SPAG16: variants seen among roughly 807,000 people sequenced by gnomAD.
The protein encoded by SPAG16 is sperm-associated antigen 16 protein.
SPAG16 carries 86 observed loss-of-function variants against 80.4 expected under a neutral mutation model. That is an observed-to-expected ratio of 1.07 (90% CI 0.90 to 1.28). The LOEUF is 1.28. SPAG16 is among the 50% of genes most tolerant of loss of function. The pLI is 0.00. For synonymous variants in SPAG16, 294 were observed against 265.9 expected, an observed-to-expected ratio of 1.11 and a Z score of -1.03; for missense variants, 870 against 765.3, an observed-to-expected ratio of 1.14 and a Z score of -1.61.
At chr2:213,298,188 A>AT (rs888166171) in intron 3 of SPAG16, among the ~76,000 whole-genome samples, 7 of 152,100 alleles carry the variant, frequency 4.6e-5, no homozygotes, top group African/African-American at 1.7e-4. Flanking sequence ...CTAGAGGAAG[A>AT]TTTTTTCAGG....
rs2066172296 is a variant in SPAG16 at position 213,364,519 on chromosome 2, CCAT to C, written c.832+377_832+379del. 5.8e-5 allele frequency: 9 copies of C among 155,472 alleles called. No homozygotes were observed. In the Middle Eastern group the frequency reaches 1.6e-3, roughly 28 times the overall value. The allele number at this position is 155,472 out of a possible 1,614,324, so 9.6% of individuals were successfully genotyped here. On this transcript the variant is annotated intron_variant, in intron 8 of 15. Coordinates refer to ENST00000331683, the MANE Select transcript of SPAG16 (RefSeq NM_024532.5). ...AGGAAAATTTATAAGGTGAGCTCTG[CCAT>C]CACCATGGCTTTGGGTCTGTGGAAA...
intron 14 of SPAG16, among the ~76,000 whole-genome samples, chr2:214,113,924 A>T (rs6758438): frequency 4.6e-5 from 7 of 151,968 alleles, no homozygotes; most frequent in African/African-American, 1.2e-4. Context: ...TAGAATTTTC[A>T]GCTTTTCTGC....
chr2:213,791,784 A>G (rs1437727091), intron 10 of SPAG16, among the ~76,000 whole-genome samples: 4 of 152,182 alleles, frequency 2.6e-5, no homozygotes, highest in South Asian at 4.1e-4. Context: ...AAGGATTAGG[A>G]GTGAGTATAA....
chr2:213,738,044 T>C (rs1218317597), intron 10 of SPAG16, among the ~76,000 whole-genome samples: 7 of 152,238 alleles, frequency 4.6e-5, no homozygotes, highest in African/African-American at 1.4e-4. Context: ...AAACACTTTA[T>C]AGTTTTCTAA....
intron 11 of SPAG16, among the ~76,000 whole-genome samples, chr2:213,887,999 A>G (rs569228351): frequency 1.3e-5 from 2 of 151,838 alleles, no homozygotes; most frequent in Non-Finnish European, 3.0e-5. Flanking sequence ...ACAAAAATTC[A>G]ATGTTTTTGA....
At chr2:214,063,031 A>G (rs1194695166) in intron 13 of SPAG16, among the ~76,000 whole-genome samples, 1 of 152,224 alleles carries the variant, frequency 6.6e-6, no homozygotes, top group East Asian at 1.9e-4. Flanking sequence ...CATCATTTCA[A>G]CAACATGAAA....
intron 4 of SPAG16, among the ~76,000 whole-genome samples, chr2:213,311,082 A>C (rs2126118125): frequency 6.6e-6 from 1 of 151,820 alleles, no homozygotes; most frequent in South Asian, 2.1e-4. Flanking sequence ...CAGTTTCATT[A>C]TTTTAAATTG....
At chr2:214,065,333 A>G (rs1048803529) in intron 13 of SPAG16, among the ~76,000 whole-genome samples, 1 of 152,180 alleles carries the variant, frequency 6.6e-6, no homozygotes, top group Non-Finnish European at 1.5e-5. Flanking sequence ...TAAATCCATT[A>G]TATGAAACTG....
At chr2:213,296,365 T>C (rs1440812660) in intron 2 of SPAG16, among the ~76,000 whole-genome samples, 1 of 152,226 alleles carries the variant, frequency 6.6e-6, no homozygotes, top group African/African-American at 2.4e-5. Context: ...CCTTATTACC[T>C]GCCTTGTAGA....
intron 10 of SPAG16, among the ~76,000 whole-genome samples, chr2:213,623,983 T>G (rs1287677868): frequency 6.6e-6 from 1 of 152,138 alleles, no homozygotes; most frequent in Non-Finnish European, 1.5e-5. Flanking sequence ...TAAACACAAT[T>G]TATTAGATTA....
chr2:214,314,779 T>TTGAACA (rs1695564582), intron 15 of SPAG16, among the ~76,000 whole-genome samples: 2 of 139,850 alleles, frequency 1.4e-5, no homozygotes, highest in African/African-American at 5.3e-5. Flanking sequence ...GAAGACATTC[T>TTGAACA]TGAACATCCA....
At chr2:213,934,992 G>C (rs1173464380) in intron 12 of SPAG16, among the ~76,000 whole-genome samples, 2 of 151,710 alleles carry the variant, frequency 1.3e-5, no homozygotes, top group Non-Finnish European at 2.9e-5. Context: ...CACGAGGTCA[G>C]GAGATCGAGA....
At chr2:213,384,672 C>T (rs1679277194) in intron 9 of SPAG16, among the ~76,000 whole-genome samples, 1 of 152,142 alleles carries the variant, frequency 6.6e-6, no homozygotes, top group African/African-American at 2.4e-5. Context: ...GACTGAACTT[C>T]TTTCGTCAGG....
At chr2:214,305,459 C>T (rs921921466) in intron 15 of SPAG16, among the ~76,000 whole-genome samples, 1 of 152,128 alleles carries the variant, frequency 6.6e-6, no homozygotes, top group African/African-American at 2.4e-5. Flanking sequence ...TGCCTATGTC[C>T]TTAATGGTAT....
intron 12 of SPAG16, among the ~76,000 whole-genome samples, chr2:213,947,353 T>G (rs1274701962): frequency 1.3e-5 from 2 of 152,282 alleles, no homozygotes; most frequent in Non-Finnish European, 1.5e-5. Flanking sequence ...TTATCAGCAT[T>G]TATTACTATC....
intron 10 of SPAG16, among the ~76,000 whole-genome samples, chr2:213,693,013 C>A (rs143546713): frequency 3.2e-4 from 48 of 152,250 alleles, no homozygotes; most frequent in Middle Eastern, 6.8e-3. Flanking sequence ...TAACTGGAAT[C>A]TTTATTACAA....
chr2:213,929,496 CT>C (rs2078652300), intron 11 of SPAG16, among the ~76,000 whole-genome samples: 2 of 152,164 alleles, frequency 1.3e-5, no homozygotes, highest in Non-Finnish European at 2.9e-5. Flanking sequence ...TCACTTCTTC[CT>C]TCATCCAAAC....
chr2:214,381,316 T>TTTTC (rs1323441317), intron 15 of SPAG16, among the ~76,000 whole-genome samples: 1 of 152,222 alleles, frequency 6.6e-6, no homozygotes, highest in Non-Finnish European at 1.5e-5. Context: ...CAAGAGGTGC[T>TTTTC]TTTCTTTCAT....
chr2:213,872,722 G>A (rs932960529), intron 11 of SPAG16, among the ~76,000 whole-genome samples: 4 of 152,048 alleles, frequency 2.6e-5, no homozygotes, highest in Non-Finnish European at 5.9e-5. Flanking sequence ...TTAGTTGTGG[G>A]ATTTTTGTAG....
Sources: allele counts gnomAD v4.1 joint callset (sites outside exome capture counted in the v4.1 genomes callset), GRCh38; gene constraint gnomAD v4.1.1; transcripts MANE v1.5; gene names NCBI Gene and HGNC (gene_info 2026-07-23, HGNC 2026-07-21).